Variants in SPIDR observed in about 807,000 individuals in gnomAD.
The protein encoded by SPIDR is DNA repair-scaffolding protein.
Under a neutral mutation model 104.6 loss-of-function variants are expected in SPIDR, and 93 were observed. That is an observed-to-expected ratio of 0.89 (90% confidence interval 0.75 to 1.06). SPIDR has a LOEUF of 1.06. Ranked by LOEUF, SPIDR falls within the 50% of genes least tolerant of loss-of-function variation. SPIDR has a pLI of 0.00. For missense variants in SPIDR, 1,154 were observed against 1,111.2 expected (o/e 1.04, Z -0.55); for synonymous variants, 431 against 416.9 (o/e 1.03, Z -0.41).
In SPIDR at chr8:47,386,420, T is replaced by A. The variant is rs954579373; in HGVS notation, c.526-9956T>A. 5.9e-5 allele frequency among the ~76,000 whole-genome samples: 9 copies of A among 152,174 alleles called. 1 individual carries two copies. Among genetic ancestry groups the A allele is most frequent in the Non-Finnish European group, 1.3e-4 (9 of 68,026 alleles). ...CTTTATATATGTATATTTTAAAATT[T>A]TTTGGTTACACTGAGGCTCCTAGTT... On this transcript the variant is annotated intron_variant, in intron 5 of 19. Transcript: ENST00000297423.
At chr8:47,360,935 C>T in intron 5 of SPIDR, 1 of 985,118 alleles carries the variant, frequency 1.0e-6, no homozygotes, top group Non-Finnish European at 1.2e-6. Flanking sequence ...TCAACCAGTA[C>T]TTCTGGAGTG....
intron 8 of SPIDR, among the ~76,000 whole-genome samples, chr8:47,516,100 C>A (rs1046494268): frequency 6.6e-6 from 1 of 152,176 alleles, no homozygotes; most frequent in Admixed American, 6.6e-5. Flanking sequence ...TGAGCCACTG[C>A]GCCCGGCCAG....
At chr8:47,299,194 G>A (rs2041531573) in intron 5 of SPIDR, among the ~76,000 whole-genome samples, 1 of 152,106 alleles carries the variant, frequency 6.6e-6, no homozygotes, top group African/African-American at 2.4e-5. Context: ...GGAATCCTAG[G>A]TATTTTATTC....
chr8:47,697,102 A>G lies in SPIDR; in HGVS notation c.1686-3301A>G, dbSNP rs376904283. Among the ~76,000 whole-genome samples, 10 of 152,186 alleles carry G rather than the reference A, an allele frequency of 6.6e-5. No individual in the cohort carries two copies. The East Asian group carries it at 1.5e-3, about 24-fold the overall frequency. On this transcript the variant is annotated intron_variant, in intron 11 of 19. Coordinates refer to ENST00000297423, the MANE Select transcript of SPIDR (RefSeq NM_001080394.4). ...CTATCTCTCTTGAGGGGTGTCTCCA[A>G]GGGCTTTTTTATAAGTGAGAACATG...
At chr8:47,272,830 C>CA (rs1251666023) in intron 1 of SPIDR, among the ~76,000 whole-genome samples, 1 of 152,158 alleles carries the variant, frequency 6.6e-6, no homozygotes. Flanking sequence ...AGGCATGAGC[C>CA]ACCATGCCCA....
In SPIDR at chr8:47,592,346, A is replaced by G; in HGVS notation, c.1098-3465A>G. 4 of 1,200,034 alleles carry G rather than the reference A, an allele frequency of 3.3e-6. No individual in the cohort carries two copies. In the Admixed American group the frequency reaches 5.1e-5, roughly 15 times the overall value. The allele number at this position is 1,200,034 out of a possible 1,614,324, so 74.3% of individuals were successfully genotyped here. Reference sequence around the variant, plus strand: ...CAGTTACCTTTCAAAATATCGAAACATATTCTTCCCAACTTGTCTACATTA... The same window carrying G: ...CAGTTACCTTTCAAAATATCGAAACGTATTCTTCCCAACTTGTCTACATTA... On this transcript the variant is annotated intron_variant, in intron 8 of 19. Transcript: ENST00000297423.
chr8:47,493,042 A>AGTGTGTGTGTGT (rs60518877), intron 8 of SPIDR, among the ~76,000 whole-genome samples: 53 of 140,612 alleles, frequency 3.8e-4, no homozygotes, highest in South Asian at 1.2e-3. Flanking sequence ...AGAGAGAGTG[A>AGTGTGTGTGTGT]GTGTGTGTGT....
intron 8 of SPIDR, among the ~76,000 whole-genome samples, chr8:47,543,686 T>G (rs186887993): frequency 6.6e-6 from 1 of 152,296 alleles, no homozygotes; most frequent in Non-Finnish European, 1.5e-5. Flanking sequence ...AATGATGGCA[T>G]TAGCATGATC....
chr8:47,367,253 AG>A (rs1356031538), intron 5 of SPIDR, among the ~76,000 whole-genome samples: 2 of 152,218 alleles, frequency 1.3e-5, no homozygotes, highest in Admixed American at 1.3e-4. Context: ...AGCAAACCCC[AG>A]TTGATAGCCA....
intron 10 of SPIDR, among the ~76,000 whole-genome samples, chr8:47,611,871 A>G (rs1352295415): frequency 6.6e-6 from 1 of 152,202 alleles, no homozygotes; most frequent in Non-Finnish European, 1.5e-5. Flanking sequence ...CCTGAGAGGA[A>G]GGAACTCATC....
At chr8:47,355,271 T>TAAGAAAAAAAAAAAAAAAAAA (rs2054302442) in intron 5 of SPIDR, among the ~76,000 whole-genome samples, 1 of 116,568 alleles carries the variant, frequency 8.6e-6, no homozygotes, top group African/African-American at 3.3e-5. Flanking sequence ...AGGTTTTTTG[T>TAAGAAAAAAAAAAAAAAAAAA]AAAAAAAAAA....
chr8:47,589,548 A>G (rs771738213), intron 8 of SPIDR, among the ~76,000 whole-genome samples: 20 of 151,946 alleles, frequency 1.3e-4, no homozygotes, highest in Non-Finnish European at 2.9e-4. Flanking sequence ...AAAATTACAT[A>G]TTTATTTTCC....
chr8:47,316,933 CTGCAACTTTGAAA>C (rs781840272), intron 5 of SPIDR, among the ~76,000 whole-genome samples: 26 of 152,264 alleles, frequency 1.7e-4, no homozygotes, highest in Non-Finnish European at 2.6e-4. Context: ...GTACTGTCAT[CTGCAACTTTGAAA>C]TGCATCGAAA....
chr8:47,262,427 TC>T (rs1478061141), intron 1 of SPIDR, among the ~76,000 whole-genome samples: 4 of 152,218 alleles, frequency 2.6e-5, no homozygotes, highest in Admixed American at 6.5e-5. Context: ...TCATAGAGTT[TC>T]TGAGACTCAG....
intron 5 of SPIDR, among the ~76,000 whole-genome samples, chr8:47,307,252 T>G (rs1434301394): frequency 1.3e-5 from 2 of 150,580 alleles, no homozygotes; most frequent in Non-Finnish European, 3.0e-5. Context: ...TTTAATGGAG[T>G]CTCTATCGCC....
At chr8:47,693,972 G>A (rs1215615261) in intron 11 of SPIDR, among the ~76,000 whole-genome samples, 6 of 152,202 alleles carry the variant, frequency 3.9e-5, no homozygotes, top group African/African-American at 1.4e-4. Flanking sequence ...AGCCCCAGGA[G>A]CCACATGAAG....
intron 1 of SPIDR, chr8:47,276,803 G>A (rs1015806721): frequency 3.3e-5 from 5 of 152,210 alleles, no homozygotes; most frequent in African/African-American, 1.2e-4. Flanking sequence ...ACTGGTTAAA[G>A]TGGAGGGGAT....
At chr8:47,344,807 A>C (rs2051536130) in intron 5 of SPIDR, among the ~76,000 whole-genome samples, 2 of 152,038 alleles carry the variant, frequency 1.3e-5, no homozygotes, top group Admixed American at 6.5e-5. Flanking sequence ...CCACTTTTTG[A>C]TGGGGCTGTT....
chr8:47,530,056 T>C (rs773012918), intron 8 of SPIDR, among the ~76,000 whole-genome samples: 3 of 152,232 alleles, frequency 2.0e-5, no homozygotes, highest in African/African-American at 4.8e-5. Flanking sequence ...CTAGGTGATA[T>C]AGCCTACTAC....
Sources: allele counts gnomAD v4.1 joint callset (sites outside exome capture counted in the v4.1 genomes callset), GRCh38; gene constraint gnomAD v4.1.1; transcripts MANE v1.5; gene names NCBI Gene and HGNC (gene_info 2026-07-23, HGNC 2026-07-21).